The following DOK6 variants were observed in gnomAD, a reference collection of about 807,000 sequenced individuals.
The protein encoded by DOK6 is downstream of tyrosine kinase 6.
In DOK6, 22 loss-of-function variants were observed where a neutral mutation model predicts 44.0. The ratio of observed to expected loss-of-function variants is 0.50; its 90% CI spans 0.36 to 0.71. The LOEUF (loss-of-function observed/expected upper bound fraction) is 0.71, where lower values mean the gene tolerates loss of function less well. Among genes scored for constraint, DOK6 ranks in the 30% least tolerant of loss-of-function variants. The pLI is 0.00. For missense variants in DOK6, 340 were observed against 416.4 expected (o/e 0.82, Z 1.60); for synonymous variants, 166 against 145.5 (o/e 1.14, Z -1.01).
intron 7 of DOK6, among the ~76,000 whole-genome samples, chr18:69,802,722 C>G (rs1342191594): frequency 1.3e-5 from 2 of 152,166 alleles, no homozygotes; most frequent in Admixed American, 6.6e-5. Context: ...TATGCTGGCT[C>G]TCTCTTGGCC....
At chr18:69,725,953 T>A (rs1453422373) in intron 5 of DOK6, among the ~76,000 whole-genome samples, 7 of 152,174 alleles carry the variant, frequency 4.6e-5, no homozygotes, top group African/African-American at 1.7e-4. Context: ...TGCTTCCCTT[T>A]CACAACTGAA....
At chr18:69,610,398 G>A (rs1385241270) in intron 3 of DOK6, among the ~76,000 whole-genome samples, 1 of 152,092 alleles carries the variant, frequency 6.6e-6, no homozygotes, top group African/African-American at 2.4e-5. Context: ...TGAGGATACA[G>A]GTACAAGAAC....
At chr18:69,477,742 T>C (rs1409049999) in intron 1 of DOK6, among the ~76,000 whole-genome samples, 1 of 152,244 alleles carries the variant, frequency 6.6e-6, no homozygotes, top group Non-Finnish European at 1.5e-5. Context: ...TTTAAAGTGA[T>C]TTCCTGCATG....
At position 69,546,207 on chromosome 18, in the gene DOK6, G is replaced by A. The variant is rs1167650001; in HGVS notation, c.67-18280G>A. The stretch of plus-strand genomic sequence containing the variant: ...CAGAAGAATCGCTTGAACCTGGGAG[G>A]TCGAGGTTGCGGTGACCCGAGATCT... On this transcript the variant is annotated intron_variant, in intron 1 of 7. Transcript: ENST00000382713. 4.0e-5 allele frequency among the ~76,000 whole-genome samples: 6 copies of A among 148,582 alleles called. No homozygotes were observed. In the South Asian group the frequency reaches 1.1e-3, roughly 27 times the overall value.
intron 3 of DOK6, among the ~76,000 whole-genome samples, chr18:69,627,989 C>A (rs565871253): frequency 6.6e-6 from 1 of 152,118 alleles, no homozygotes; most frequent in Non-Finnish European, 1.5e-5. Context: ...CTCATTTTCT[C>A]CTTTAAATGA....
At chr18:69,572,142 A>G (rs563646490) in intron 2 of DOK6, among the ~76,000 whole-genome samples, 1 of 152,272 alleles carries the variant, frequency 6.6e-6, no homozygotes, top group African/African-American at 2.4e-5. Flanking sequence ...AGATATCACA[A>G]AAGCAAATAT....
chr18:69,729,734 C>G (rs1486403400), intron 5 of DOK6, among the ~76,000 whole-genome samples: 2 of 152,030 alleles, frequency 1.3e-5, no homozygotes, highest in East Asian at 1.9e-4. Flanking sequence ...GTTCAAATAC[C>G]AAATCTGGAT....
Position 69,841,328 on chromosome 18 carries a change from C to A in DOK6, c.941C>A (p.Pro314Gln). 1.2e-6 allele frequency: 2 copies of A among 1,614,176 alleles called. No individual in the cohort carries two copies. Among genetic ancestry groups the A allele is most frequent in the South Asian group, 1.1e-5 (1 of 91,082 alleles). The stretch of plus-strand genomic sequence containing the variant: ...GAACAGAGTGAAGAGGCCCAGCAGC[C>A]GTTGTCGCGGTCCAGCAGCTATGGA... ...APEQSEEAQQPLSRSSSYGFS... is the reference protein window; with the variant it reads ...APEQSEEAQQQLSRSSSYGFS... Residue 314 changes from proline to glutamine, a missense_variant, in exon 8 of 8, where the codon CCG becomes CAG. Pro to Gln is a moderately conservative substitution (Grantham distance 76). Around this residue, in one of 3 missense-constraint regions of DOK6, gnomAD observed 112 missense variants for 109.3 expected, o/e 1.02. Transcript: ENST00000382713.
In DOK6 at chr18:69,461,840, A is replaced by G. The variant is rs76442079; in HGVS notation, c.66+60530A>G. Among the ~76,000 whole-genome samples, 145 of 152,160 alleles carry G rather than the reference A, an allele frequency of 9.5e-4. 2 individuals carry two copies. In the East Asian group the frequency reaches 0.026, roughly 27 times the overall value. On this transcript the variant is annotated intron_variant, in intron 1 of 7. Transcript: ENST00000382713. ...GCAGTGCAGTTCATCATCTTCTTTG[A>G]TCCTCTCTTACCATCTTGTGGATTA...
chr18:69,779,355 C>T (rs1039948525), intron 7 of DOK6, among the ~76,000 whole-genome samples: 4 of 151,990 alleles, frequency 2.6e-5, no homozygotes, highest in African/African-American at 9.7e-5. Flanking sequence ...ATATATGTCC[C>T]TGCACGCTCA....
At chr18:69,476,117 G>C (rs910435948) in intron 1 of DOK6, among the ~76,000 whole-genome samples, 5 of 137,266 alleles carry the variant, frequency 3.6e-5, no homozygotes, top group African/African-American at 1.2e-4. Flanking sequence ...GGTGGTGGAG[G>C]TTCCACTTCC....
chr18:69,574,675 A>T (rs113170865), intron 2 of DOK6, among the ~76,000 whole-genome samples: 3,041 of 152,198 alleles, frequency 0.02, 90 homozygotes, highest in African/African-American at 0.069. Context: ...AGCCCAAAAA[A>T]ATTGCATGGG....
chr18:69,758,462 AAATT>A (rs1286582373), intron 7 of DOK6, among the ~76,000 whole-genome samples: 1 of 131,838 alleles, frequency 7.6e-6, no homozygotes, highest in Non-Finnish European at 1.7e-5. Context: ...CAGATGAATC[AAATT>A]AATAGCTAGC....
chr18:69,677,129 A>G (rs2144685361), intron 3 of DOK6, among the ~76,000 whole-genome samples: 1 of 152,258 alleles, frequency 6.6e-6, no homozygotes, highest in African/African-American at 2.4e-5. Context: ...CTGATTTATG[A>G]TCCATTACAA....
At chr18:69,489,713 AT>A (rs1434121134) in intron 1 of DOK6, among the ~76,000 whole-genome samples, 1 of 152,150 alleles carries the variant, frequency 6.6e-6, no homozygotes, top group Non-Finnish European at 1.5e-5. Context: ...TCTAATGCAT[AT>A]CGAAAGCCCT....
chr18:69,424,005 A>G (rs1199965601), intron 1 of DOK6, among the ~76,000 whole-genome samples: 3 of 152,204 alleles, frequency 2.0e-5, no homozygotes, highest in Admixed American at 6.5e-5. Flanking sequence ...TCAGAATTGT[A>G]CAGAATGTGA....
intron 1 of DOK6, among the ~76,000 whole-genome samples, chr18:69,466,061 T>C (rs544301809): frequency 2.6e-5 from 4 of 152,214 alleles, no homozygotes; most frequent in Non-Finnish European, 4.4e-5. Flanking sequence ...ATTTGGTAAG[T>C]ATACATTATT....
chr18:69,502,315 A>G (rs1193102350), intron 1 of DOK6, among the ~76,000 whole-genome samples: 1 of 152,080 alleles, frequency 6.6e-6, no homozygotes, highest in Admixed American at 6.6e-5. Flanking sequence ...CAAGAAAACC[A>G]TGAAACAGGA....
At chr18:69,539,988 C>CT (rs1760059591) in intron 1 of DOK6, among the ~76,000 whole-genome samples, 1 of 152,014 alleles carries the variant, frequency 6.6e-6, no homozygotes, top group Non-Finnish European at 1.5e-5. Context: ...GAGGCAGCAT[C>CT]TTTCACAAGG....
Sources: gnomAD v4.1 joint callset for allele counts (sites outside exome capture counted in the v4.1 genomes callset) on GRCh38, gnomAD v4.1.1 for gene constraint, gnomAD v4.1.1 regional missense constraint, MANE v1.5 for transcripts, NCBI Gene and HGNC (gene_info 2026-07-23, HGNC 2026-07-21) for gene names.